Variants in CAPS2 observed in about 807,000 individuals in gnomAD.
CAPS2 encodes the protein calcyphosin-2.
A neutral mutation model predicts 86.5 loss-of-function variants in CAPS2; 98 were observed. The ratio of observed to expected loss-of-function variants is 1.13; its 90% CI spans 0.96 to 1.34. CAPS2 has a LOEUF of 1.34. Among genes scored for constraint, CAPS2 ranks in the 40% most tolerant of loss-of-function variants. CAPS2 has a pLI of 0.00. For missense variants in CAPS2, 729 were observed against 686.8 expected (o/e 1.06, Z -0.69); for synonymous variants, 210 against 225.1 (o/e 0.93, Z 0.60).
upstream of CAPS2, among the ~76,000 whole-genome samples, chr12:75,330,425 C>T (rs987376373): frequency 3.9e-5 from 6 of 152,206 alleles, no homozygotes; most frequent in African/African-American, 1.4e-4. Flanking sequence ...GGATCCACGG[C>T]GGTTGTTGTG....
intron 5 of CAPS2, among the ~76,000 whole-genome samples, chr12:75,316,835 T>C (rs999845424): frequency 6.6e-6 from 1 of 152,176 alleles, no homozygotes; most frequent in African/African-American, 2.4e-5. Context: ...TACTCCATTA[T>C]AAAATTAAAT....
intron 1 of CAPS2, among the ~76,000 whole-genome samples, chr12:75,356,647 C>T (rs1236474084): frequency 6.6e-6 from 1 of 151,930 alleles, no homozygotes; most frequent in African/African-American, 2.4e-5. Context: ...AAACAGAAAA[C>T]AGATGAAGCA....
At chr12:75,331,498 A>G (rs545334150), upstream of CAPS2, among the ~76,000 whole-genome samples, 1 of 152,176 alleles carries the variant, frequency 6.6e-6, no homozygotes, top group African/African-American at 2.4e-5. Context: ...CATTACCCCC[A>G]CATAGAAAGA....
intron 1 of CAPS2, among the ~76,000 whole-genome samples, chr12:75,348,208 C>A (rs1175006864): frequency 2.0e-5 from 3 of 152,068 alleles, no homozygotes; most frequent in African/African-American, 7.2e-5. Context: ...AAATGAAATT[C>A]TAGTCCTCTA....
At chr12:75,289,954 TTA>T (rs2035557195) in intron 13 of CAPS2, among the ~76,000 whole-genome samples, 179 bp from the exon 14 acceptor site, 3 of 152,200 alleles carry the variant, frequency 2.0e-5, no homozygotes, top group African/African-American at 7.2e-5. Context: ...ATCAAGAGGA[TTA>T]AACATAAAAT....
At chr12:75,300,469 T>A (rs1054928785) in intron 8 of CAPS2, among the ~76,000 whole-genome samples, 2 of 136,736 alleles carry the variant, frequency 1.5e-5, no homozygotes, top group Non-Finnish European at 3.0e-5. Context: ...GGCAGGAGAA[T>A]GGCGTGAACC....
At chr12:75,329,844 A>G (rs1336932768), upstream of CAPS2, 1 of 1,545,942 alleles carries the variant, frequency 6.5e-7, no homozygotes, top group Non-Finnish European at 8.7e-7. Flanking sequence ...GCAGTGTAGC[A>G]GAAGGAATTC....
chr12:75,335,796 A>G (rs2041693167), intron 1 of CAPS2, among the ~76,000 whole-genome samples: 1 of 152,044 alleles, frequency 6.6e-6, no homozygotes, highest in African/African-American at 2.4e-5. Context: ...ATTTTAATAT[A>G]TAATGTTTAC....
rs191961811 is a variant in CAPS2, at chr12:75,284,636, G to A, written c.1515+325C>T. 3.9e-3 allele frequency among the ~76,000 whole-genome samples: 597 copies of A among 152,110 alleles called. 3 individuals are homozygous for A. The highest frequency in any genetic ancestry group is 5.4e-3 in the Admixed American group (83 of 15,270). On this transcript the variant is annotated intron_variant, in intron 15 of 16. Coordinates refer to ENST00000393284, the Ensembl canonical transcript of CAPS2. Reference sequence around the variant, plus strand: ...CCAACTCTGTGAGATAGGAAACTGAGGCTTAGGAATATTTTATAATACATA... The same window carrying A: ...CCAACTCTGTGAGATAGGAAACTGAAGCTTAGGAATATTTTATAATACATA...
intron 1 of CAPS2, chr12:75,360,944 C>T (rs2043543325): frequency 6.6e-6 from 1 of 152,184 alleles, no homozygotes; most frequent in African/African-American, 2.4e-5. Flanking sequence ...AACACTGTTG[C>T]AGTCTTTCTT....
At chr12:75,295,332 C>T (rs889878830) in intron 11 of CAPS2, among the ~76,000 whole-genome samples, 1 of 152,110 alleles carries the variant, frequency 6.6e-6, no homozygotes, top group Admixed American at 6.6e-5. Flanking sequence ...CAAATAAAGC[C>T]TTTTGGGAAA....
chr12:75,367,664 C>G (rs749122732), intron 1 of CAPS2, among the ~76,000 whole-genome samples: 25 of 152,020 alleles, frequency 1.6e-4, no homozygotes, highest in Non-Finnish European at 3.1e-4. Context: ...TCTATTAACA[C>G]TTTTACCAAA....
chr12:75,281,399 A>T (rs1045807825), intron 16 of CAPS2, among the ~76,000 whole-genome samples: 7 of 152,000 alleles, frequency 4.6e-5, no homozygotes, highest in Non-Finnish European at 2.9e-5. Flanking sequence ...ATGATAGTAT[A>T]TTGATTCATA....
chr12:75,370,570 A>G (rs1164144283), intron 1 of CAPS2: 1 of 155,866 alleles, frequency 6.4e-6, no homozygotes, highest in East Asian at 1.8e-4. Context: ...GTTACTGAGG[A>G]AAGTTTTTTC....
At chr12:75,376,362 T>C (rs2044647934) in intron 1 of CAPS2, among the ~76,000 whole-genome samples, 1 of 152,156 alleles carries the variant, frequency 6.6e-6, no homozygotes, top group Non-Finnish European at 1.5e-5. Context: ...CTTACATAAA[T>C]TAGAAAACTC....
intron 1 of CAPS2, among the ~76,000 whole-genome samples, chr12:75,368,310 G>A (rs2044125898): frequency 6.8e-6 from 1 of 146,606 alleles, no homozygotes; most frequent in Non-Finnish European, 1.5e-5. Context: ...TTTTCCTCCT[G>A]CATTTTTCAT....
chr12:75,307,196 A>G (rs765385124), intron 7 of CAPS2, among the ~76,000 whole-genome samples: 2 of 152,218 alleles, frequency 1.3e-5, no homozygotes, highest in Admixed American at 6.5e-5. Flanking sequence ...AAAAGAAAGA[A>G]TATTGGTGTC....
chr12:75,311,449 G>C (rs543152889), intron 7 of CAPS2, among the ~76,000 whole-genome samples: 1 of 152,132 alleles, frequency 6.6e-6, no homozygotes, highest in Non-Finnish European at 1.5e-5. Flanking sequence ...TGGAGGAAGA[G>C]AGGGCAATAA....
At chr12:75,367,159 C>A in intron 1 of CAPS2, 2 of 619,196 alleles carry the variant, frequency 3.2e-6, no homozygotes, top group Non-Finnish European at 5.8e-6. Context: ...AAATAGGGTA[C>A]CCAAAAGGCG....
Sources: allele counts gnomAD v4.1 joint callset (sites outside exome capture counted in the v4.1 genomes callset), GRCh38; gene constraint gnomAD v4.1.1; transcripts MANE v1.5; gene names NCBI Gene and HGNC (gene_info 2026-07-23, HGNC 2026-07-21).